Variants in ATXN10 observed in about 807,000 individuals in gnomAD.
ATXN10 encodes the protein ataxin-10.
A neutral mutation model predicts 52.9 loss-of-function variants in ATXN10; 28 were observed. That is an observed-to-expected ratio of 0.53 (90% CI 0.39 to 0.73). ATXN10 has a LOEUF of 0.73. ATXN10 is among the 30% of genes least tolerant of loss of function. The pLI is 0.00. For missense variants in ATXN10, 565 were observed against 577.0 expected, an observed-to-expected ratio of 0.98 and a Z score of 0.21; for synonymous variants, 226 against 221.5, an observed-to-expected ratio of 1.02 and a Z score of -0.18.
At position 45,762,803 on chromosome 22, in the gene ATXN10, C is replaced by T; in HGVS notation, c.1173+22265C>T. ...GGAGCCCCCACTGACAGATGCCTTC[C>T]CCCTGTGTTTTGGCTCCAAATTCCA... On this transcript the variant is annotated intron_variant, in intron 9 of 11. Coordinates refer to ENST00000252934, the MANE Select transcript of ATXN10 (RefSeq NM_013236.4). The surrounding 1 kb of genome is among the most constrained non-coding windows in gnomAD (Gnocchi z 4.3). Among the ~76,000 whole-genome samples the T allele has an allele frequency of 6.6e-6, 1 of 152,170 alleles. No individual in the cohort carries two copies. The highest frequency in any genetic ancestry group is 1.5e-5 in the Non-Finnish European group (1 of 68,028).
At chr22:45,761,260 T>G (rs995055973) in intron 9 of ATXN10, among the ~76,000 whole-genome samples, 7 of 151,992 alleles carry the variant, frequency 4.6e-5, no homozygotes, top group Non-Finnish European at 8.8e-5. Flanking sequence ...AGCTGGGACT[T>G]TAATGTTTTT....
Position 45,727,233 on chromosome 22 carries a change from G to A in ATXN10, c.729-2192G>A, listed in dbSNP as rs903210330. The stretch of plus-strand genomic sequence containing the variant: ...GCTTGTTTAATTTCCGTGTATTTAT[G>A]TAGTTTTGAGGGTTCCTTTTGGAAT... On this transcript the variant is annotated intron_variant, in intron 6 of 11. Coordinates refer to ENST00000252934, the MANE Select transcript of ATXN10 (RefSeq NM_013236.4). This position sits in a 1 kb window ranked among gnomAD's most constrained non-coding sequence, Gnocchi z 4.6. 1.3e-5 allele frequency among the ~76,000 whole-genome samples: 2 copies of A among 152,124 alleles called. No homozygotes were observed. The highest frequency in any genetic ancestry group is 2.9e-5 in the Non-Finnish European group (2 of 68,026).
At chr22:45,726,330 A>G (rs1005444895) in intron 6 of ATXN10, among the ~76,000 whole-genome samples, 4 of 152,146 alleles carry the variant, frequency 2.6e-5, no homozygotes, top group East Asian at 3.9e-4. Context: ...TATTGATTCA[A>G]TCTCACTGGT....
chr22:45,729,966 A>C (rs141455482), intron 7 of ATXN10, among the ~76,000 whole-genome samples: 20 of 152,320 alleles, frequency 1.3e-4, no homozygotes, highest in African/African-American at 4.8e-4. Context: ...TGTTGTGTCC[A>C]TAGTACTATG....
At chr22:45,753,866 G>T (rs73443011) in intron 9 of ATXN10, among the ~76,000 whole-genome samples, 3,865 of 152,260 alleles carry the variant, frequency 0.025, 107 homozygotes, top group African/African-American at 0.069. Flanking sequence ...CAGAGATTTT[G>T]ATGATGTGGC....
chr22:45,816,982 C>T lies in ATXN10; in HGVS notation c.1237+9960C>T, dbSNP rs1321335628. Among the ~76,000 whole-genome samples the T allele has an allele frequency of 2.6e-5, 4 of 152,130 alleles. No homozygotes were observed. The highest frequency in any genetic ancestry group is 4.8e-5 in the African/African-American group (2 of 41,434). ...AAGTGTCTTAAACACCTCGAGATGG[C>T]GCAGCTGGCTAGGCTCGGTGTGGTT... is the stretch of plus-strand genomic sequence containing the variant. On this transcript the variant is annotated intron_variant, in intron 10 of 11. Coordinates refer to ENST00000252934, the MANE Select transcript of ATXN10 (RefSeq NM_013236.4). The surrounding 1 kb of genome is among the most constrained non-coding windows in gnomAD (Gnocchi z 5.8).
Position 45,702,701 on chromosome 22 carries a change from T to C in ATXN10, c.501T>C (p.Asn167=). 1.2e-6 allele frequency: 2 copies of C among 1,613,982 alleles called. No homozygotes were observed. Among genetic ancestry groups the C allele is most frequent in the Non-Finnish European group, 1.7e-6 (2 of 1,179,920 alleles). ...AFPELFLSCL[N]HPDKKIVAYS... ...CCTTGTTTGGAAGGTCTTGCTTAAATCATCCGGACAAAAAAATTGTTGCCT... is the reference window on the plus strand; with the variant it reads ...CCTTGTTTGGAAGGTCTTGCTTAAACCATCCGGACAAAAAAATTGTTGCCT... Residue 167 remains asparagine, a synonymous_variant, in exon 5 of 12, where the codon AAT becomes AAC. Coordinates refer to ENST00000252934, the MANE Select transcript of ATXN10 (RefSeq NM_013236.4).
rs2146788060 is a variant in ATXN10, at chr22:45,728,435, CTGA to C, written c.729-985_729-983del. 6.6e-6 allele frequency among the ~76,000 whole-genome samples: 1 copy of C among 152,244 alleles called. No homozygotes were observed. The highest frequency in any genetic ancestry group is 2.1e-4 in the South Asian group (1 of 4,826). On this transcript the variant is annotated intron_variant, in intron 6 of 11. Coordinates refer to ENST00000252934, the MANE Select transcript of ATXN10 (RefSeq NM_013236.4). This position sits in a 1 kb window ranked among gnomAD's most constrained non-coding sequence, Gnocchi z 4.3. ...AAGGTCTGTAGGTGATTTTTCCAGA[CTGA>C]TGATATTTCCCATCATTTGGCCACA...
chr22:45,725,401 ATT>A (rs60263048), intron 6 of ATXN10, among the ~76,000 whole-genome samples: 6,982 of 116,114 alleles, frequency 0.06, 527 homozygotes, highest in African/African-American at 0.2. Context: ...CAGGCATTTG[ATT>A]TTTTTTTTTT....
At chr22:45,777,084 G>A (rs1000454121) in intron 9 of ATXN10, among the ~76,000 whole-genome samples, 2 of 152,090 alleles carry the variant, frequency 1.3e-5, no homozygotes, top group African/African-American at 2.4e-5. Flanking sequence ...TTTATATTTC[G>A]AAAAATAATT....
At chr22:45,782,280 T>C (rs577232100) in intron 9 of ATXN10, among the ~76,000 whole-genome samples, 1 of 152,346 alleles carries the variant, frequency 6.6e-6, no homozygotes, top group East Asian at 1.9e-4. Flanking sequence ...GCTAAATATA[T>C]TGTTTTGCTA....
chr22:45,765,593 A>G (rs1467747276), intron 9 of ATXN10, among the ~76,000 whole-genome samples: 1 of 152,138 alleles, frequency 6.6e-6, no homozygotes, highest in Non-Finnish European at 1.5e-5. Context: ...TTGGGTGCTC[A>G]TATCTTTAGT....
At chr22:45,788,923 A>G (rs1695325265) in intron 9 of ATXN10, among the ~76,000 whole-genome samples, 1 of 152,198 alleles carries the variant, frequency 6.6e-6, no homozygotes, top group Non-Finnish European at 1.5e-5. Flanking sequence ...CACTAGGATT[A>G]CAGGCATGAG....
rs1343027299 is a variant in ATXN10 at position 45,818,338 on chromosome 22, C to T, written c.1237+11316C>T. ...ACTGCGTCCCTCTCTCTGCCTCAGG[C>T]CTCTGTGTTCCTGCAGGCCAGTGCC... On this transcript the variant is annotated intron_variant, in intron 10 of 11. Transcript: ENST00000252934. This position sits in a 1 kb window ranked among gnomAD's most constrained non-coding sequence, Gnocchi z 4.6. Among the ~76,000 whole-genome samples the T allele has an allele frequency of 1.3e-5, 2 of 152,174 alleles. No individual in the cohort carries two copies. Among genetic ancestry groups the T allele is most frequent in the African/African-American group, 4.8e-5 (2 of 41,432 alleles).
intron 9 of ATXN10, among the ~76,000 whole-genome samples, chr22:45,806,497 A>G (rs9614519): frequency 1.5e-3 from 235 of 152,244 alleles, no homozygotes; most frequent in Non-Finnish European, 2.9e-3. Context: ...CCCAGTTCTC[A>G]TTTGCCTTGA....
At chr22:45,714,874 G>T (rs1408285695) in intron 5 of ATXN10, among the ~76,000 whole-genome samples, 2 of 152,088 alleles carry the variant, frequency 1.3e-5, no homozygotes, top group African/African-American at 2.4e-5. Context: ...TGGTTTAAAG[G>T]TTGCAGTGTG....
At position 45,823,148 on chromosome 22, in the gene ATXN10, C is replaced by A. The variant is rs79672734; in HGVS notation, c.1237+16126C>A. 1 of 471,720 alleles carries A rather than the reference C, an allele frequency of 2.1e-6. No individual in the cohort carries two copies. Among genetic ancestry groups the A allele is most frequent in the Non-Finnish European group, 4.4e-6 (1 of 227,150 alleles). The allele number at this position is 471,720 out of a possible 1,614,324, so 29.2% of individuals were successfully genotyped here. On this transcript the variant is annotated intron_variant, in intron 10 of 11. Transcript: ENST00000252934. The surrounding 1 kb of genome is among the most constrained non-coding windows in gnomAD (Gnocchi z 4.9). Reference sequence around the variant, plus strand: ...TGTACGCATCACCCAGATGGAAATACAGAACATGCCCATCTCCCTAGGCGG... The same window carrying A: ...TGTACGCATCACCCAGATGGAAATAAAGAACATGCCCATCTCCCTAGGCGG...
chr22:45,703,673 A>C (rs1923927215), intron 5 of ATXN10, among the ~76,000 whole-genome samples: 1 of 152,204 alleles, frequency 6.6e-6, no homozygotes, highest in South Asian at 2.1e-4. Flanking sequence ...GAAGAAGCCA[A>C]AGGGGCCAGC....
chr22:45,769,209 G>T lies in ATXN10; in HGVS notation c.1173+28671G>T, dbSNP rs1035744319. On this transcript the variant is annotated intron_variant, in intron 9 of 11. Transcript: ENST00000252934. The surrounding 1 kb of genome is among the most constrained non-coding windows in gnomAD (Gnocchi z 4.2). ...GTTGACCCGAGGTTGAGAGCTCTTG[G>T]TGGGTAGGGGACTCATCATGGAATC... is the stretch of plus-strand genomic sequence containing the variant. Among the ~76,000 whole-genome samples, 3 of 152,158 alleles carry T rather than the reference G, an allele frequency of 2.0e-5. No individual in the cohort carries two copies. The highest frequency in any genetic ancestry group is 4.4e-5 in the Non-Finnish European group (3 of 68,038).
Sources: gnomAD v4.1 joint callset for allele counts (sites outside exome capture counted in the v4.1 genomes callset) on GRCh38, gnomAD v4.1.1 for gene constraint, Gnocchi (gnomAD v3.1) non-coding constraint, MANE v1.5 for transcripts, NCBI Gene and HGNC (gene_info 2026-07-23, HGNC 2026-07-21) for gene names.